Variants in TBC1D9 observed in about 807,000 individuals in gnomAD.
TBC1D9 encodes the protein TBC1 domain family member 9A.
A neutral mutation model predicts 132.0 loss-of-function variants in TBC1D9; 63 were observed. That is an observed-to-expected ratio of 0.48 (90% CI 0.39 to 0.59). The LOEUF is 0.59. Ranked by LOEUF, TBC1D9 falls within the 20% of genes least tolerant of loss-of-function variation. TBC1D9 has a pLI of 0.00. For missense variants in TBC1D9, 1,261 were observed against 1,592.7 expected, an observed-to-expected ratio of 0.79 and a Z score of 3.54; for synonymous variants, 610 against 609.9, an observed-to-expected ratio of 1.00 and a Z score of 0.00.
At chr4:140,749,302 T>A (rs1022374714) in intron 1 of TBC1D9, among the ~76,000 whole-genome samples, 36 of 151,544 alleles carry the variant, frequency 2.4e-4, no homozygotes, top group African/African-American at 7.3e-4. Flanking sequence ...ACTAAAAGAA[T>A]AATAAAATGA....
intron 1 of TBC1D9, among the ~76,000 whole-genome samples, chr4:140,752,550 G>C (rs957494482): frequency 1.8e-4 from 26 of 140,820 alleles, no homozygotes; most frequent in Admixed American, 3.7e-4. Context: ...TTTTATCCTG[G>C]TGTTCTATTT....
intron 1 of TBC1D9, among the ~76,000 whole-genome samples, chr4:140,708,536 A>G (rs1203772453): frequency 6.6e-6 from 1 of 152,186 alleles, no homozygotes; most frequent in East Asian, 1.9e-4. Context: ...CTTGTGCCCA[A>G]CACACAGACT....
At chr4:140,675,161 G>A (rs1737604166) in intron 6 of TBC1D9, among the ~76,000 whole-genome samples, 1 of 152,124 alleles carries the variant, frequency 6.6e-6, no homozygotes, top group East Asian at 1.9e-4. Flanking sequence ...CTAGAAAGCT[G>A]TACAATAGAA....
intron 6 of TBC1D9, among the ~76,000 whole-genome samples, chr4:140,676,474 G>A (rs990503823): frequency 7.2e-5 from 11 of 152,162 alleles, no homozygotes; most frequent in Non-Finnish European, 1.5e-5. Context: ...CCAACATGGT[G>A]AAACTCCATC....
intron 3 of TBC1D9, among the ~76,000 whole-genome samples, chr4:140,684,015 A>G (rs1004992251): frequency 9.2e-5 from 14 of 152,232 alleles, no homozygotes; most frequent in Non-Finnish European, 1.9e-4. Context: ...AATAACTAAA[A>G]ATTATATAAC....
At chr4:140,718,211 G>T in intron 1 of TBC1D9, among the ~76,000 whole-genome samples, 1 of 141,676 alleles carries the variant, frequency 7.1e-6, no homozygotes, top group African/African-American at 2.7e-5. Flanking sequence ...TTATTTAAAT[G>T]TGATATACCT....
At chr4:140,734,891 T>G (rs1402350621) in intron 1 of TBC1D9, among the ~76,000 whole-genome samples, 1 of 152,178 alleles carries the variant, frequency 6.6e-6, no homozygotes, top group Non-Finnish European at 1.5e-5. Flanking sequence ...TGTGAGGTGG[T>G]AGGAGGAATC....
At chr4:140,654,333 G>T (rs1237834566) in intron 13 of TBC1D9, among the ~76,000 whole-genome samples, 1 of 152,188 alleles carries the variant, frequency 6.6e-6, no homozygotes, top group African/African-American at 2.4e-5. Context: ...GGGGAAGGGG[G>T]TGTCTGTAAT....
intron 18 of TBC1D9, among the ~76,000 whole-genome samples, chr4:140,624,765 T>G (rs1466142838): frequency 1.3e-5 from 2 of 152,172 alleles, no homozygotes; most frequent in East Asian, 3.8e-4. Flanking sequence ...AAAAAATTAA[T>G]GGAGGGTCAA....
At chr4:140,676,146 T>A (rs1737619056) in intron 6 of TBC1D9, among the ~76,000 whole-genome samples, 1 of 152,226 alleles carries the variant, frequency 6.6e-6, no homozygotes, top group Admixed American at 6.5e-5. Context: ...TAAGCCTATT[T>A]ACTCGGCGTA....
chr4:140,624,832 ACC>A (rs1332569130), intron 18 of TBC1D9, among the ~76,000 whole-genome samples: 4 of 152,168 alleles, frequency 2.6e-5, no homozygotes, highest in Non-Finnish European at 4.4e-5. Flanking sequence ...TGGGCAGATC[ACC>A]TGAGGTCAGG....
At chr4:140,703,219 AAGCTC>A (rs1352389902) in intron 1 of TBC1D9, among the ~76,000 whole-genome samples, 6 of 152,212 alleles carry the variant, frequency 3.9e-5, no homozygotes, top group African/African-American at 1.4e-4. Context: ...GAAAGCAGCA[AAGCTC>A]AGTGCCATAT....
intron 8 of TBC1D9, 125 bp from the exon 9 acceptor site, chr4:140,669,192 A>G: frequency 1.1e-6 from 1 of 946,828 alleles, no homozygotes; most frequent in Non-Finnish European, 1.5e-6. Flanking sequence ...AGTCATGAGA[A>G]AAAGGAACTC....
At chr4:140,643,723 T>C (rs1402405587) in intron 13 of TBC1D9, 3 of 1,216,780 alleles carry the variant, frequency 2.5e-6, no homozygotes, top group African/African-American at 3.0e-5. Context: ...CAGGGTTCTG[T>C]CCGGCCCGGG....
intron 1 of TBC1D9, among the ~76,000 whole-genome samples, chr4:140,737,540 T>C (rs1392328059): frequency 6.6e-6 from 1 of 151,956 alleles, no homozygotes; most frequent in African/African-American, 2.4e-5. Context: ...CTAAGAGCTG[T>C]GGTTGAAGGG....
rs553762509 is a variant in TBC1D9, at chr4:140,633,840, G to C, written c.2746+108C>G. The C allele has an allele frequency of 1.1e-4, 145 of 1,370,296 alleles. 1 individual carries two copies. In the South Asian group the frequency reaches 2.0e-3, roughly 19 times the overall value. 84.9% of individuals were successfully genotyped at this position (1,370,296 alleles called of 1,614,324 possible). Reference sequence around the variant, plus strand: ...TCATGAAAAACACATTTTATAATCAGTTTGCAAACCTCCCCTTGTGCTTCT... The same window carrying C: ...TCATGAAAAACACATTTTATAATCACTTTGCAAACCTCCCCTTGTGCTTCT... On this transcript the variant is annotated intron_variant, in intron 16 of 20. Coordinates refer to ENST00000442267, the MANE Select transcript of TBC1D9 (RefSeq NM_015130.3).
At chr4:140,731,676 C>CAT (rs1220456230) in intron 1 of TBC1D9, among the ~76,000 whole-genome samples, 1 of 150,968 alleles carries the variant, frequency 6.6e-6, no homozygotes, top group Non-Finnish European at 1.5e-5. Context: ...CATACACACA[C>CAT]ACACACACAC....
chr4:140,725,761 TG>T (rs1738489568), intron 1 of TBC1D9, among the ~76,000 whole-genome samples: 1 of 152,044 alleles, frequency 6.6e-6, no homozygotes, highest in South Asian at 2.1e-4. Context: ...AAGCACGGTA[TG>T]GAAAAACCTT....
intron 9 of TBC1D9, among the ~76,000 whole-genome samples, chr4:140,664,137 C>A (rs1375882178): frequency 2.0e-5 from 3 of 151,136 alleles, no homozygotes; most frequent in Non-Finnish European, 4.4e-5. Context: ...TTATAGTAAT[C>A]ATTTCACAAT....
Sources: gnomAD v4.1 joint callset for allele counts (sites outside exome capture counted in the v4.1 genomes callset) on GRCh38, gnomAD v4.1.1 for gene constraint, MANE v1.5 for transcripts, NCBI Gene and HGNC (gene_info 2026-07-23, HGNC 2026-07-21) for gene names.